SCN8A: variants seen among roughly 807,000 people sequenced by gnomAD.
SCN8A encodes the protein sodium voltage-gated channel alpha subunit 8.
Under a neutral mutation model 184.1 loss-of-function variants are expected in SCN8A, and 30 were observed. That is an observed-to-expected ratio of 0.16 (90% CI 0.12 to 0.22). The LOEUF (loss-of-function observed/expected upper bound fraction) is 0.22, where lower values mean the gene tolerates loss of function less well. SCN8A is among the 10% of genes least tolerant of loss of function. The probability of loss-of-function intolerance (pLI) is 1.00; values close to 1 mark genes in which losing one functional copy is unlikely to be tolerated. For synonymous variants in SCN8A, 852 were observed against 907.0 expected (o/e 0.94, Z 1.09); for missense variants, 1,057 against 2,498.9 (o/e 0.42, Z 12.30).
chr12:51,777,839 A>C (rs1007234725), intron 20 of SCN8A, among the ~76,000 whole-genome samples: 3 of 152,200 alleles, frequency 2.0e-5, no homozygotes, highest in African/African-American at 7.2e-5. Flanking sequence ...TACCTGACAA[A>C]GTTTCGTAAG....
intron 1 of SCN8A, among the ~76,000 whole-genome samples, chr12:51,641,990 A>C (rs1464890644): frequency 6.6e-6 from 1 of 152,198 alleles, no homozygotes; most frequent in African/African-American, 2.4e-5. Context: ...ACATTCTACT[A>C]CTAGACTTCT....
At chr12:51,717,943 G>A (rs761839659) in intron 11 of SCN8A, among the ~76,000 whole-genome samples, 8 of 152,140 alleles carry the variant, frequency 5.3e-5, no homozygotes, top group Non-Finnish European at 8.8e-5. Context: ...TTAGAAGTTC[G>A]TGGGTTGCTT....
At chr12:51,790,623 C>A (rs1369695790) in intron 25 of SCN8A, 121 bp downstream of exon 25, 5 of 634,746 alleles carry the variant, frequency 7.9e-6, no homozygotes, top group South Asian at 7.7e-5. Context: ...ATCCTCTCCT[C>A]ACCACCCATC....
chr12:51,636,161 A>T (rs897855266), intron 1 of SCN8A, among the ~76,000 whole-genome samples: 8 of 151,842 alleles, frequency 5.3e-5, no homozygotes, highest in Non-Finnish European at 1.2e-4. Context: ...CGCCTGGCTA[A>T]TTTTTTTTCT....
chr12:51,667,909 C>T (rs777970494), intron 2 of SCN8A, among the ~76,000 whole-genome samples: 2 of 152,040 alleles, frequency 1.3e-5, no homozygotes, highest in African/African-American at 2.4e-5. Context: ...TATGGCCGGG[C>T]GTGGTGGTTC....
At chr12:51,697,148 C>G (rs112223387) in intron 6 of SCN8A, among the ~76,000 whole-genome samples, 129 of 152,254 alleles carry the variant, frequency 8.5e-4, no homozygotes, top group Non-Finnish European at 1.1e-3. Context: ...CTGCACAGCC[C>G]TGTGAGGAGA....
chr12:51,592,893 C>T (rs1939260628), intron 1 of SCN8A, among the ~76,000 whole-genome samples: 1 of 151,984 alleles, frequency 6.6e-6, no homozygotes, highest in Non-Finnish European at 1.5e-5. Flanking sequence ...CTCTGCACTT[C>T]TCTTTTCTCC....
At chr12:51,617,006 T>C (rs1939855248) in intron 1 of SCN8A, among the ~76,000 whole-genome samples, 1 of 152,218 alleles carries the variant, frequency 6.6e-6, no homozygotes, top group African/African-American at 2.4e-5. Flanking sequence ...CTATGTGTAA[T>C]GTATCCTTTT....
At chr12:51,593,056 T>A (rs945945745) in intron 1 of SCN8A, among the ~76,000 whole-genome samples, 1 of 152,214 alleles carries the variant, frequency 6.6e-6, no homozygotes, top group African/African-American at 2.4e-5. Context: ...CTTAAAATGC[T>A]GAAAGCTTTA....
intron 2 of SCN8A, among the ~76,000 whole-genome samples, chr12:51,672,787 A>G (rs532988462): frequency 1.3e-4 from 20 of 152,164 alleles, no homozygotes; most frequent in African/African-American, 4.8e-4. Flanking sequence ...TGACTCCCCA[A>G]TTTTCTTCAG....
At chr12:51,713,516 G>C in intron 11 of SCN8A, 2 of 759,202 alleles carry the variant, frequency 2.6e-6, no homozygotes, top group South Asian at 2.7e-5. Context: ...AACTGCTCTG[G>C]TTCCTTTGGG....
chr12:51,644,881 G>C (rs1316689273), intron 1 of SCN8A, among the ~76,000 whole-genome samples: 2 of 151,752 alleles, frequency 1.3e-5, no homozygotes, highest in African/African-American at 4.8e-5. Context: ...CCCTCTGCCT[G>C]GCAACCGCCC....
At chr12:51,720,019 T>G (rs1276737674) in intron 11 of SCN8A, among the ~76,000 whole-genome samples, 1 of 136,228 alleles carries the variant, frequency 7.3e-6, no homozygotes, top group Non-Finnish European at 1.5e-5. Context: ...GAGCTTGCAG[T>G]GAGCCGAGAT....
intron 12 of SCN8A, 90 bp downstream of exon 12, chr12:51,721,998 C>T: frequency 6.3e-7 from 1 of 1,585,326 alleles, no homozygotes; most frequent in Non-Finnish European, 8.5e-7. Flanking sequence ...CCGCTCCTTC[C>T]CCTCCTCTTT....
intron 16 of SCN8A, chr12:51,766,350 C>A: frequency 2.7e-6 from 1 of 366,598 alleles, no homozygotes; most frequent in Non-Finnish European, 5.0e-6. Context: ...GCCCGTTCGC[C>A]TACAGAAGCC....
chr12:51,780,561 C>CTTTTTTTTTTTTTTTTTTTT (rs1565923413), intron 20 of SCN8A, 88 bp from the exon 21 acceptor site: 1 of 457,856 alleles, frequency 2.2e-6, no homozygotes, highest in African/African-American at 1.1e-4. Context: ...CCTCTGTTTT[C>CTTTTTTTTTTTTTTTTTTTT]TTTCTTTTTT....
chr12:51,741,526 G>T (rs975293106), intron 12 of SCN8A, among the ~76,000 whole-genome samples: 40 of 151,504 alleles, frequency 2.6e-4, no homozygotes, highest in Non-Finnish European at 1.5e-5. Context: ...GTTGTTTTGC[G>T]GTCTTCTTTT....
chr12:51,701,757 C>T (rs778474700), intron 8 of SCN8A, among the ~76,000 whole-genome samples: 3 of 152,122 alleles, frequency 2.0e-5, no homozygotes, highest in Non-Finnish European at 4.4e-5. Flanking sequence ...TAAGGATCCA[C>T]TTACATTACA....
At chr12:51,619,704 C>G (rs1163575988) in intron 1 of SCN8A, among the ~76,000 whole-genome samples, 1 of 152,110 alleles carries the variant, frequency 6.6e-6, no homozygotes, top group African/African-American at 2.4e-5. Context: ...CCTTACCCTT[C>G]TAATTCTAGT....
Sources: gnomAD v4.1 joint callset for allele counts (sites outside exome capture counted in the v4.1 genomes callset) on GRCh38, gnomAD v4.1.1 for gene constraint, MANE v1.5 for transcripts, NCBI Gene and HGNC (gene_info 2026-07-23, HGNC 2026-07-21) for gene names.